The following HHLA1 variants were observed in gnomAD, a reference collection of about 807,000 sequenced individuals.
The protein encoded by HHLA1 is HERV-H LTR-associating protein 1.
In HHLA1, 72 loss-of-function variants were observed where a neutral mutation model predicts 69.9. The ratio of observed to expected loss-of-function variants is 1.03; its 90% CI spans 0.85 to 1.25. The LOEUF is 1.25. Ranked by LOEUF, HHLA1 falls within the 50% of genes most tolerant of loss-of-function variation. The probability of loss-of-function intolerance (pLI) is 0.00; values close to 1 mark genes in which losing one functional copy is unlikely to be tolerated. For missense variants in HHLA1, 685 were observed against 642.2 expected (o/e 1.07, Z -0.72); for synonymous variants, 252 against 233.2 (o/e 1.08, Z -0.73).
intron 10 of HHLA1, among the ~76,000 whole-genome samples, chr8:132,083,999 G>T (rs1287302433): frequency 6.6e-6 from 1 of 150,794 alleles, no homozygotes; most frequent in African/African-American, 2.4e-5. Flanking sequence ...GCTATAAAGT[G>T]TCTCAGGGTT....
At chr8:132,100,050 A>G (rs1311226366) in intron 4 of HHLA1, 25 bp downstream of exon 4, 1 of 1,545,794 alleles carries the variant, frequency 6.5e-7, no homozygotes, top group East Asian at 2.4e-5. Flanking sequence ...AGACAACCCA[A>G]GGGATTTGGG....
chr8:132,081,719 C>T (rs981795770), intron 10 of HHLA1, among the ~76,000 whole-genome samples: 5 of 152,164 alleles, frequency 3.3e-5, no homozygotes, highest in Non-Finnish European at 7.3e-5. Context: ...AGTTATCTGA[C>T]TCAGGGCATG....
chr8:132,105,044 A>C, intron 2 of HHLA1, 143 bp downstream of exon 2: 1 of 666,412 alleles, frequency 1.5e-6, no homozygotes. Context: ...GAACAACAGA[A>C]GTAGGGAAGT....
chr8:132,083,781 A>G (rs984984733), intron 10 of HHLA1, among the ~76,000 whole-genome samples: 1 of 152,062 alleles, frequency 6.6e-6, no homozygotes, highest in Non-Finnish European at 1.5e-5. Context: ...TGTGCTGGAG[A>G]TGTGGCTGGG....
rs7844921 is a variant in HHLA1 at position 132,094,732 on chromosome 8, C to T, written c.448+787G>A. Among the ~76,000 whole-genome samples the T allele has an allele frequency of 1.7e-3, 265 of 152,254 alleles. 1 individual carries two copies. Among genetic ancestry groups the T allele is most frequent in the African/African-American group, 5.9e-3 (246 of 41,546 alleles). On this transcript the variant is annotated intron_variant, in intron 7 of 16. Coordinates refer to ENST00000414222, the MANE Select transcript of HHLA1 (RefSeq NM_001145095.3). ...GCCCACACACCATGTACTTGCAGTA[C>T]ATTTATTTACTCCCTGCTCCCCGCT... is the stretch of plus-strand genomic sequence containing the variant.
chr8:132,101,975 A>C (rs1417173582), intron 3 of HHLA1, among the ~76,000 whole-genome samples: 1 of 152,206 alleles, frequency 6.6e-6, no homozygotes, highest in Non-Finnish European at 1.5e-5. Flanking sequence ...CCGAAATTTC[A>C]TACTCATTGA....
chr8:132,090,494 G>T (rs1414543790), intron 7 of HHLA1, among the ~76,000 whole-genome samples: 1 of 152,164 alleles, frequency 6.6e-6, no homozygotes, highest in Non-Finnish European at 1.5e-5. Flanking sequence ...AGTTTGTGCA[G>T]GAGCAAGCTA....
chr8:132,075,074 C>T (rs916770425), intron 14 of HHLA1, among the ~76,000 whole-genome samples: 3 of 152,194 alleles, frequency 2.0e-5, no homozygotes, highest in Non-Finnish European at 4.4e-5. Flanking sequence ...CCATCTGCAC[C>T]ACTGTGTTTC....
intron 10 of HHLA1, 62 bp from the exon 11 acceptor site, chr8:132,080,028 A>G: frequency 6.5e-7 from 1 of 1,540,322 alleles, no homozygotes; most frequent in Non-Finnish European, 8.8e-7. Context: ...AAAAAAACTG[A>G]AAGGTCACTG....
chr8:132,070,484 C>A, intron 15 of HHLA1: 1 of 661,860 alleles, frequency 1.5e-6, no homozygotes, highest in South Asian at 1.6e-5. Flanking sequence ...CTGCCATGAT[C>A]CTCTGCCATA....
intron 14 of HHLA1, 51 bp downstream of exon 14, chr8:132,076,004 C>G: frequency 7.6e-7 from 1 of 1,318,736 alleles, no homozygotes; most frequent in South Asian, 1.3e-5. Context: ...ACTACATGAC[C>G]TTGTTCAAAA....
chr8:132,091,895 T>C (rs1446232806), intron 7 of HHLA1, among the ~76,000 whole-genome samples: 1 of 152,238 alleles, frequency 6.6e-6, no homozygotes, highest in Admixed American at 6.5e-5. Context: ...GCGGGCTTTA[T>C]TCTGCAGAGG....
chr8:132,077,837 G>C lies in HHLA1; in HGVS notation c.1060C>G (p.Pro354Ala). 4 of 1,551,548 alleles carry C rather than the reference G, an allele frequency of 2.6e-6. No individual in the cohort carries two copies. Among genetic ancestry groups the C allele is most frequent in the Non-Finnish European group, 3.5e-6 (4 of 1,146,964 alleles). Residue 354 changes from proline to alanine, a missense_variant, in exon 12 of 17, where the codon CCA becomes GCA. Coordinates refer to ENST00000414222, the MANE Select transcript of HHLA1 (RefSeq NM_001145095.3). ...GGSLWETRSS[P>A]PTTAGTEEAM... is the part of the protein sequence containing the mutation. Reference sequence around the variant, plus strand: ...TCCTCGGTCCCTGCAGTAGTCGGTGGGGAAGAACGAGTTTCCCAGAGAGAC... The same window carrying C: ...TCCTCGGTCCCTGCAGTAGTCGGTGCGGAAGAACGAGTTTCCCAGAGAGAC...
At chr8:132,066,451 T>C (rs917750469) in intron 15 of HHLA1, among the ~76,000 whole-genome samples, 1 of 152,230 alleles carries the variant, frequency 6.6e-6, no homozygotes, top group African/African-American at 2.4e-5. Context: ...TCATTATCAA[T>C]GCAGCAAACA....
chr8:132,100,275 A>G (rs1824091838), intron 3 of HHLA1, 141 bp from the exon 4 acceptor site: 1 of 663,250 alleles, frequency 1.5e-6, no homozygotes, highest in African/African-American at 1.8e-5. Context: ...GGCAGATCAC[A>G]GACTCTTCTG....
At chr8:132,067,326 G>A (rs982732333) in intron 15 of HHLA1, among the ~76,000 whole-genome samples, 1 of 152,202 alleles carries the variant, frequency 6.6e-6, no homozygotes, top group African/African-American at 2.4e-5. Flanking sequence ...AATCTGGTTG[G>A]CAGTGTGTTC....
rs139995559 is a variant in HHLA1, at chr8:132,089,515, C to T, written c.532+1G>A. On this transcript the variant is annotated splice_donor_variant, in intron 8 of 16. Coordinates refer to ENST00000414222, the MANE Select transcript of HHLA1 (RefSeq NM_001145095.3). LOFTEE classifies it high-confidence loss of function. The stretch of plus-strand genomic sequence containing the variant: ...CCAAAGCGTTTTCAAGATGAACACA[C>T]CTGAGAGGATGGAGGTTGACTTAAA... 2.7e-6 allele frequency: 4 copies of T among 1,482,422 alleles called. No individual in the cohort carries two copies. Among genetic ancestry groups the T allele is most frequent in the African/African-American group, 1.4e-5 (1 of 71,786 alleles). The allele number at this position is 1,482,422 out of a possible 1,614,324, so 91.8% of individuals were successfully genotyped here.
At chr8:132,081,948 G>C (rs560405751) in intron 10 of HHLA1, among the ~76,000 whole-genome samples, 57 of 152,296 alleles carry the variant, frequency 3.7e-4, no homozygotes, top group Non-Finnish European at 7.2e-4. Context: ...GCCTTTGCTG[G>C]TGTGTGGCGA....
rs1334320076 is a variant in HHLA1 at position 132,064,465 on chromosome 8, T to C, written c.1553-427A>G. ...TTGCAAGATTTCCTATTTCCTCTCC[T>C]CATACCAGATAAAGGGATTTCTATC... On this transcript the variant is annotated intron_variant, in intron 16 of 16. Transcript: ENST00000414222. Among the ~76,000 whole-genome samples the C allele has an allele frequency of 2.6e-5, 4 of 152,160 alleles. No individual in the cohort carries two copies. In the East Asian group the frequency reaches 7.7e-4, roughly 29 times the overall value.
Sources: gnomAD v4.1 joint callset for allele counts (sites outside exome capture counted in the v4.1 genomes callset) on GRCh38, gnomAD v4.1.1 for gene constraint, MANE v1.5 for transcripts, NCBI Gene and HGNC (gene_info 2026-07-23, HGNC 2026-07-21) for gene names.